VIRMA: variants seen among roughly 807,000 people sequenced by gnomAD.
VIRMA encodes vir like m6A methyltransferase associated.
Under a neutral mutation model 182.4 loss-of-function variants are expected in VIRMA, and 65 were observed. That is an observed-to-expected ratio of 0.36 (90% confidence interval 0.29 to 0.44). The LOEUF (loss-of-function observed/expected upper bound fraction) is 0.44. Ranked by LOEUF, VIRMA falls within the 20% of genes least tolerant of loss-of-function variation. The probability of loss-of-function intolerance (pLI) is 1.00; values close to 1 mark genes in which losing one functional copy is unlikely to be tolerated. For missense variants in VIRMA, 1,752 were observed against 2,158.1 expected (o/e 0.81, Z 3.73); for synonymous variants, 709 against 743.1 (o/e 0.95, Z 0.75).
chr8:94,492,561 C>T (rs1015699501), intron 21 of VIRMA, 91 bp downstream of exon 21: 19 of 1,133,770 alleles, frequency 1.7e-5, no homozygotes, highest in East Asian at 9.8e-5. Flanking sequence ...CGTGAGCCAC[C>T]GCGCTCGGCC....
intron 16 of VIRMA, among the ~76,000 whole-genome samples, chr8:94,505,357 C>T (rs921359398): frequency 2.0e-5 from 3 of 151,406 alleles, no homozygotes; most frequent in South Asian, 4.2e-4. Flanking sequence ...AATATAAGTA[C>T]TAGCCAGGTA....
At chr8:94,501,474 G>A (rs2119460) in intron 16 of VIRMA, among the ~76,000 whole-genome samples, 1 of 151,906 alleles carries the variant, frequency 6.6e-6, no homozygotes, top group African/African-American at 2.4e-5. Context: ...ACTGTACTCC[G>A]ATTGCTCAAT....
intron 13 of VIRMA, 35 bp from the exon 14 acceptor site, chr8:94,510,687 T>C (rs1468299691): frequency 6.9e-7 from 1 of 1,449,368 alleles, no homozygotes; most frequent in Admixed American, 1.8e-5. Context: ...GTACGTAGAT[T>C]TTTTAATATT....
At chr8:94,499,793 C>T (rs984758702) in intron 16 of VIRMA, among the ~76,000 whole-genome samples, 4 of 151,878 alleles carry the variant, frequency 2.6e-5, no homozygotes, top group East Asian at 1.9e-4. Context: ...GCCTGTAATC[C>T]GGGCGCTTTG....
At chr8:94,501,613 T>C (rs951977886) in intron 16 of VIRMA, among the ~76,000 whole-genome samples, 2 of 151,906 alleles carry the variant, frequency 1.3e-5, no homozygotes, top group African/African-American at 2.4e-5. Flanking sequence ...AATAAAATAA[T>C]CAAGAAAGGG....
At chr8:94,528,259 A>G (rs1815042184) in intron 7 of VIRMA, among the ~76,000 whole-genome samples, 1 of 151,810 alleles carries the variant, frequency 6.6e-6, no homozygotes, top group Non-Finnish European at 1.5e-5. Flanking sequence ...AAGAAAGAAA[A>G]AAAGAAAACT....
rs1415934219 is a variant in VIRMA, at chr8:94,511,259, G to A, written c.3316C>T (p.Pro1106Ser). Residue 1106 changes from proline to serine, a missense_variant, in exon 13 of 24, where the codon CCT (proline) becomes TCT (serine). By Grantham distance (74) the Pro-to-Ser change is moderately conservative. Coordinates refer to ENST00000297591, the MANE Select transcript of VIRMA (RefSeq NM_015496.5). ...ATGAGTCCAGAAAAAAATCCTTCAG[G>A]AACCTTCAAGATTGAAGAAAGAACT... ...KEVLSSILKV[P>S]EGFFSGLILL... 7 of 1,613,872 alleles carry A rather than the reference G, an allele frequency of 4.3e-6. No homozygotes were observed. The highest frequency in any genetic ancestry group is 5.9e-6 in the Non-Finnish European group (7 of 1,179,964).
intron 16 of VIRMA, among the ~76,000 whole-genome samples, chr8:94,501,039 T>C (rs750180126): frequency 1.3e-5 from 2 of 149,124 alleles, no homozygotes; most frequent in Non-Finnish European, 3.0e-5. Context: ...AAGTCAGGAG[T>C]TCGAGACCAG....
chr8:94,522,191 C>T (rs1458406886), intron 8 of VIRMA, among the ~76,000 whole-genome samples: 1 of 152,148 alleles, frequency 6.6e-6, no homozygotes, highest in African/African-American at 2.4e-5. Context: ...TGTATCAAAA[C>T]ATGTCACTGT....
intron 9 of VIRMA, 70 bp from the exon 10 acceptor site, chr8:94,518,012 T>G: frequency 3.2e-6 from 4 of 1,240,064 alleles, no homozygotes; most frequent in Non-Finnish European, 4.5e-6. Flanking sequence ...TTAAAAATTT[T>G]CTTCTACTTG....
intron 8 of VIRMA, among the ~76,000 whole-genome samples, chr8:94,522,849 T>C (rs940499839): frequency 2.0e-4 from 31 of 152,340 alleles, no homozygotes; most frequent in Admixed American, 1.7e-3. Flanking sequence ...CTGAGAATAT[T>C]ACTCTGATCA....
chr8:94,495,647 GA>G, intron 19 of VIRMA, 83 bp downstream of exon 19: 2 of 1,135,720 alleles, frequency 1.8e-6, no homozygotes, highest in Non-Finnish European at 2.5e-6. Context: ...GCCCTTTATA[GA>G]AAAAAACGTT....
Position 94,495,937 on chromosome 8 carries a change from T to C in VIRMA, c.4384-46A>G, listed in dbSNP as rs201843078. 37 of 1,562,126 alleles carry C rather than the reference T, an allele frequency of 2.4e-5. No homozygotes were observed. In the Admixed American group the frequency reaches 2.8e-4, roughly 12 times the overall value. On this transcript the variant is annotated intron_variant, in intron 18 of 23. Coordinates refer to ENST00000297591, the MANE Select transcript of VIRMA (RefSeq NM_015496.5). ...AATAAGAAGGTGCAGGTAAAACTTATGTCTGTAAACCTACTGACTCTTTCG... is the reference window on the plus strand; with the variant it reads ...AATAAGAAGGTGCAGGTAAAACTTACGTCTGTAAACCTACTGACTCTTTCG...
At chr8:94,536,848 A>G (rs1353341603) in intron 4 of VIRMA, among the ~76,000 whole-genome samples, 1 of 152,204 alleles carries the variant, frequency 6.6e-6, no homozygotes, top group Admixed American at 6.5e-5. Flanking sequence ...GCATGGTGGC[A>G]GACACCTCTA....
At chr8:94,505,122 G>C (rs1814110446) in intron 16 of VIRMA, among the ~76,000 whole-genome samples, 1 of 152,162 alleles carries the variant, frequency 6.6e-6, no homozygotes, top group Non-Finnish European at 1.5e-5. Context: ...TGAGAGACTG[G>C]ATGGGGGCAG....
rs1281552043 is a variant in VIRMA, at chr8:94,510,397, T to G, written c.3626+20A>C. On this transcript the variant is annotated intron_variant, in intron 14 of 23. Transcript: ENST00000297591. ...CAAAAATAATTTGAGGAAAAAATTT[T>G]TAATGCAAAATGAAAATACCTTTGC... 1 of 1,589,000 alleles carries G rather than the reference T, an allele frequency of 6.3e-7. No individual in the cohort carries two copies. The highest frequency in any genetic ancestry group is 1.7e-5 in the Admixed American group (1 of 58,314).
In VIRMA at chr8:94,512,088, T is replaced by G; in HGVS notation, c.2753A>C (p.Asn918Thr). Residue 918 changes from asparagine to threonine, a missense_variant and splice_region_variant, in exon 12 of 24, where the codon AAT becomes ACT. Around this residue, in one of 11 missense-constraint regions of VIRMA, gnomAD observed 777 missense variants for 920.6 expected, o/e 0.84. Transcript: ENST00000297591. Reference protein sequence around the residue: ...IPNLIEYVKQNIDNLMTPEGV... With the variant: ...IPNLIEYVKQTIDNLMTPEGV... ...TTCTGGGGTCATCAAGTTATCGATA[T>G]TCTTTAAAAATGAAAATGAACAGAA... is the stretch of plus-strand genomic sequence containing the variant. 6.8e-7 allele frequency: 1 copy of G among 1,461,706 alleles called. No homozygotes were observed. Among genetic ancestry groups the G allele is most frequent in the East Asian group, 2.6e-5 (1 of 38,048 alleles). The allele number at this position is 1,461,706 out of a possible 1,614,324, so 90.5% of individuals were successfully genotyped here. A position where few individuals can be genotyped will look rare whatever the true frequency, so the allele number is the denominator to read the frequency against.
intron 16 of VIRMA, among the ~76,000 whole-genome samples, chr8:94,503,708 C>A (rs549954438): frequency 1.3e-5 from 2 of 152,082 alleles, no homozygotes; most frequent in Non-Finnish European, 2.9e-5. Flanking sequence ...GAGGATAATA[C>A]AAGTGTAAGG....
At chr8:94,490,883 T>A (rs375469161) in intron 22 of VIRMA, among the ~76,000 whole-genome samples, 24 of 151,876 alleles carry the variant, frequency 1.6e-4, no homozygotes, top group African/African-American at 5.8e-4. Context: ...TCAAACAGAC[T>A]AAATATAACA....
Sources: gnomAD v4.1 joint callset for allele counts (sites outside exome capture counted in the v4.1 genomes callset) on GRCh38, gnomAD v4.1.1 for gene constraint, gnomAD v4.1.1 regional missense constraint, MANE v1.5 for transcripts, NCBI Gene and HGNC (gene_info 2026-07-23, HGNC 2026-07-21) for gene names.